Variants in FBXW12 observed in about 807,000 individuals in gnomAD.
FBXW12 encodes F-box/WD repeat-containing protein 12.
In FBXW12, 43 loss-of-function variants were observed where a neutral mutation model predicts 55.3. The observed-to-expected ratio is 0.78, with a 90% confidence interval of 0.61 to 1.00. FBXW12 has a LOEUF of 1.00. Ranked by LOEUF, FBXW12 falls within the 50% of genes least tolerant of loss-of-function variation. The probability of loss-of-function intolerance (pLI) is 0.00; values close to 1 mark genes in which losing one functional copy is unlikely to be tolerated. For missense variants in FBXW12, 524 were observed against 560.5 expected, an observed-to-expected ratio of 0.93 and a Z score of 0.66; for synonymous variants, 184 against 203.8, an observed-to-expected ratio of 0.90 and a Z score of 0.83.
chr3:48,387,441 A>ATT (rs36141575), intron 10 of FBXW12, among the ~76,000 whole-genome samples: 169 of 145,376 alleles, frequency 1.2e-3, no homozygotes, highest in Non-Finnish European at 1.6e-3. Flanking sequence ...TTTGGTCTCT[A>ATT]TTTTTTTTTT....
intron 10 of FBXW12, among the ~76,000 whole-genome samples, chr3:48,384,146 A>G (rs929007366): frequency 2.0e-5 from 3 of 152,174 alleles, no homozygotes; most frequent in Non-Finnish European, 4.4e-5. Context: ...GGGAATTGGC[A>G]TCTTTACTAT....
intron 1 of FBXW12, 58 bp from the exon 2 acceptor site, chr3:48,372,626 C>T (rs2036617969): frequency 3.2e-6 from 5 of 1,560,392 alleles, no homozygotes; most frequent in Non-Finnish European, 4.3e-6. Context: ...CGGGAGTCTG[C>T]ACACCTGCAG....
intron 1 of FBXW12, 74 bp downstream of exon 1, chr3:48,372,394 A>C: frequency 6.7e-7 from 1 of 1,501,636 alleles, no homozygotes; most frequent in African/African-American, 1.4e-5. Flanking sequence ...AGAGACACTC[A>C]GATCTGATCA....
rs1384585174 is a variant in FBXW12 at position 48,380,903 on chromosome 3, G to A, written c.976G>A (p.Val326Ile). The A allele has an allele frequency of 6.2e-6, 10 of 1,613,710 alleles. No homozygotes were observed. The highest frequency in any genetic ancestry group is 8.5e-6 in the Non-Finnish European group (10 of 1,179,848). The change falls in exon 8 of 11, where the codon GTC becomes ATC. Residue 326 changes from valine to isoleucine, a missense_variant. Coordinates refer to ENST00000296438, the MANE Select transcript of FBXW12 (RefSeq NM_207102.2). Reference sequence around the variant, plus strand: ...AACCAAGAAGACTGGAGGCCAAACAGTCATCCAAGGTAGGCTGTGCCACAT... The same window carrying A: ...AACCAAGAAGACTGGAGGCCAAACAATCATCCAAGGTAGGCTGTGCCACAT... ...LTTKKTGGQT[V>I]IQAYEIASFQ...
intron 5 of FBXW12, 66 bp from the exon 6 acceptor site, chr3:48,378,251 G>A: frequency 1.6e-6 from 2 of 1,232,692 alleles, no homozygotes; most frequent in Non-Finnish European, 2.4e-6. Context: ...ATAAACATGG[G>A]CAGAATGAAA....
At position 48,390,406 on chromosome 3, in the gene FBXW12, C is replaced by CTTTTTT. The variant is rs71625870; in HGVS notation, c.1296-4133_1296-4128dup. Among the ~76,000 whole-genome samples, 5 of 57,928 alleles carry CTTTTTT rather than the reference C, an allele frequency of 8.6e-5. 1 individual carries two copies. The highest frequency in any genetic ancestry group is 3.8e-4 in the African/African-American group (5 of 13,166). 38.0% of individuals were successfully genotyped at this position (57,928 alleles called of 152,430 possible). ...TTTTTAATGTCACCTAGGATTTCCT[C>CTTTTTT]TTTTTTTTTTTTTTTTTTTTTTTTT... On this transcript the variant is annotated intron_variant, in intron 10 of 10. Transcript: ENST00000296438.
chr3:48,385,308 C>T (rs2036831805), intron 10 of FBXW12, among the ~76,000 whole-genome samples: 1 of 151,546 alleles, frequency 6.6e-6, no homozygotes, highest in Non-Finnish European at 1.5e-5. Context: ...GACAAGATTC[C>T]CTTCTTTTCT....
At chr3:48,378,252 C>T in intron 5 of FBXW12, 65 bp from the exon 6 acceptor site, 1 of 1,241,172 alleles carries the variant, frequency 8.1e-7, no homozygotes. Context: ...TAAACATGGG[C>T]AGAATGAAAG....
chr3:48,393,704 G>A (rs987573847), intron 10 of FBXW12, among the ~76,000 whole-genome samples: 2 of 152,028 alleles, frequency 1.3e-5, no homozygotes, highest in South Asian at 2.1e-4. Flanking sequence ...CAGGCAGATC[G>A]CTTGAGTGCA....
chr3:48,387,630 C>A (rs1051889547), intron 10 of FBXW12, among the ~76,000 whole-genome samples: 1 of 152,164 alleles, frequency 6.6e-6, no homozygotes. Flanking sequence ...TCACTACAAC[C>A]TCTGCCTTCT....
In FBXW12 at chr3:48,380,574, C is replaced by T. The variant is rs2036751192; in HGVS notation, c.775-128C>T. On this transcript the variant is annotated intron_variant, in intron 7 of 10. Transcript: ENST00000296438. ...AGTGATAAGCAGTGACCACTCATCA[C>T]TCCTGAGATATTGAACAAAGCTTTG... The T allele has an allele frequency of 4.4e-6, 3 of 687,140 alleles. No homozygotes were observed. In the South Asian group the frequency reaches 5.2e-5, roughly 12 times the overall value. 42.6% of individuals were successfully genotyped at this position (687,140 alleles called of 1,614,324 possible).
At chr3:48,379,291 T>C (rs1256375918) in intron 6 of FBXW12, 109 bp from the exon 7 acceptor site, 9 of 997,954 alleles carry the variant, frequency 9.0e-6, no homozygotes, top group African/African-American at 1.6e-5. Flanking sequence ...ATCTCCATTA[T>C]GTGATTGAAG....
At chr3:48,381,379 C>T (rs1044069080) in intron 8 of FBXW12, among the ~76,000 whole-genome samples, 11 of 152,148 alleles carry the variant, frequency 7.2e-5, no homozygotes, top group Non-Finnish European at 1.3e-4. Context: ...CTCTAATACC[C>T]ATGCTGATCT....
intron 10 of FBXW12, among the ~76,000 whole-genome samples, chr3:48,390,126 A>G (rs1560034855): frequency 6.6e-6 from 1 of 152,170 alleles, no homozygotes; most frequent in Non-Finnish European, 1.5e-5. Flanking sequence ...AGCCTATAGT[A>G]TAGTTTGAAG....
At chr3:48,390,743 TCTC>T in intron 10 of FBXW12, among the ~76,000 whole-genome samples, 1 of 152,180 alleles carries the variant, frequency 6.6e-6, no homozygotes, top group African/African-American at 2.4e-5. Flanking sequence ...GTTTTGTAGT[TCTC>T]CTTGTAGAGA....
At chr3:48,381,163 C>T (rs1349152361) in intron 8 of FBXW12, among the ~76,000 whole-genome samples, 1 of 152,008 alleles carries the variant, frequency 6.6e-6, no homozygotes, top group Non-Finnish European at 1.5e-5. Context: ...GCTGGGACTA[C>T]AGGTGCCCGC....
chr3:48,379,923 T>C (rs2036742240), intron 7 of FBXW12: 1 of 233,236 alleles, frequency 4.3e-6, no homozygotes, highest in African/African-American at 2.3e-5. Context: ...CAGGCCATAG[T>C]GTGCTATGCT....
Position 48,373,347 on chromosome 3 carries a change from T to G in FBXW12, c.128+2T>G, listed in dbSNP as rs753556624. On this transcript the variant is annotated splice_donor_variant, in intron 3 of 10. Coordinates refer to ENST00000296438, the MANE Select transcript of FBXW12 (RefSeq NM_207102.2). LOFTEE classifies it high-confidence loss of function. ...TGCAGACAGTGATTACCTGTGGAGGTAAGGGAAGGGAAAGGGCAAGGAGGG... is the reference window on the plus strand; with the variant it reads ...TGCAGACAGTGATTACCTGTGGAGGGAAGGGAAGGGAAAGGGCAAGGAGGG... 5.6e-6 allele frequency: 9 copies of G among 1,613,698 alleles called. No homozygotes were observed. The highest frequency in any genetic ancestry group is 3.3e-5 in the Admixed American group (2 of 59,980).
At position 48,386,190 on chromosome 3, in the gene FBXW12, C is replaced by A. The variant is rs146547051; in HGVS notation, c.1295+4105C>A. On this transcript the variant is annotated intron_variant, in intron 10 of 10. Coordinates refer to ENST00000296438, the MANE Select transcript of FBXW12 (RefSeq NM_207102.2). ...TTTGTATGTGATGTGAGAAAAAGTCCCAACTTTTTTTCTTTTCATGTGACT... is the reference window on the plus strand; with the variant it reads ...TTTGTATGTGATGTGAGAAAAAGTCACAACTTTTTTTCTTTTCATGTGACT... Among the ~76,000 whole-genome samples the A allele has an allele frequency of 5.3e-3, 806 of 152,156 alleles. 5 individuals carry two copies. The highest frequency in any genetic ancestry group is 0.019 in the African/African-American group (771 of 41,510).
Sources: gnomAD v4.1 joint callset for allele counts (sites outside exome capture counted in the v4.1 genomes callset) on GRCh38, gnomAD v4.1.1 for gene constraint, MANE v1.5 for transcripts, NCBI Gene and HGNC (gene_info 2026-07-23, HGNC 2026-07-21) for gene names.